Variants in VANGL2 observed in about 807,000 individuals in gnomAD.
VANGL2 encodes the protein vang-like protein 2.
A neutral mutation model predicts 50.2 loss-of-function variants in VANGL2; 14 were observed. The observed-to-expected ratio is 0.28, with a 90% CI of 0.18 to 0.44. The LOEUF is 0.44. Among genes scored for constraint, VANGL2 ranks in the 20% least tolerant of loss-of-function variants. The pLI, the probability that VANGL2 is intolerant of heterozygous loss-of-function variation, is 1.00. For synonymous variants in VANGL2, 295 were observed against 297.2 expected, an observed-to-expected ratio of 0.99 and a Z score of 0.08; for missense variants, 533 against 701.5, an observed-to-expected ratio of 0.76 and a Z score of 2.71.
At chr1:160,406,082 T>C (rs1650650003) in intron 1 of VANGL2, among the ~76,000 whole-genome samples, 1 of 152,232 alleles carries the variant, frequency 6.6e-6, no homozygotes, top group Admixed American at 6.5e-5. Flanking sequence ...TACATTATTT[T>C]GCTGAAAACT....
At chr1:160,416,000 C>T in intron 2 of VANGL2, 62 bp from the exon 3 acceptor site, 2 of 1,614,128 alleles carry the variant, frequency 1.2e-6, no homozygotes, top group South Asian at 2.2e-5. Flanking sequence ...GGTAGAGTGG[C>T]TGCTGAGAAG....
chr1:160,402,873 TC>T (rs913498484), intron 1 of VANGL2, among the ~76,000 whole-genome samples: 20 of 152,062 alleles, frequency 1.3e-4, no homozygotes, highest in African/African-American at 4.6e-4. Flanking sequence ...ATACTAGCCT[TC>T]CCCCATTGCA....
intron 7 of VANGL2, among the ~76,000 whole-genome samples, 160 bp downstream of exon 7, chr1:160,424,443 C>T (rs983616611): frequency 9.2e-5 from 14 of 152,190 alleles, no homozygotes; most frequent in African/African-American, 3.4e-4. Context: ...TCCTATTCCA[C>T]CTGCCCCATC....
In VANGL2 at chr1:160,421,087, G is replaced by A; in HGVS notation, c.973G>A (p.Ala325Thr). 1 of 1,614,172 alleles carries A rather than the reference G, an allele frequency of 6.2e-7. No homozygotes were observed. Among genetic ancestry groups the A allele is most frequent in the Non-Finnish European group, 8.5e-7 (1 of 1,180,026 alleles). ...STNNSTGQSR[A>T]VIAAAARRRD... ...CAACAACTCCACTGGCCAGTCTCGGGCTGTGATTGCAGCGGCAGCTCGGAG... is the reference window on the plus strand; with the variant it reads ...CAACAACTCCACTGGCCAGTCTCGGACTGTGATTGCAGCGGCAGCTCGGAG... The change falls in exon 6 of 8, where the codon GCT becomes ACT. Residue 325 changes from alanine (A) to threonine (T), a missense_variant. Transcript: ENST00000368061.
chr1:160,402,668 C>T (rs576595640), intron 1 of VANGL2, among the ~76,000 whole-genome samples: 129 of 152,042 alleles, frequency 8.5e-4, no homozygotes, highest in Middle Eastern at 3.4e-3. Flanking sequence ...GTCTGTGTGT[C>T]GGGAAAGGGC....
In VANGL2 at chr1:160,426,871, G is replaced by T. The variant is rs1442010878; in HGVS notation, c.*1493G>T. ...AGGCCCTTCTTTTCCCTGAAAGACTGGTTGGTACTTACCTTGCAGAGCACA... is the reference window on the plus strand; with the variant it reads ...AGGCCCTTCTTTTCCCTGAAAGACTTGTTGGTACTTACCTTGCAGAGCACA... On this transcript the variant is annotated 3_prime_UTR_variant, in exon 8 of 8. Coordinates refer to ENST00000368061, the MANE Select transcript of VANGL2 (RefSeq NM_020335.3). 3 of 152,220 alleles carry T rather than the reference G, an allele frequency of 2.0e-5. No individual in the cohort carries two copies. The highest frequency in any genetic ancestry group is 4.4e-5 in the Non-Finnish European group (3 of 68,094). 9.4% of individuals were successfully genotyped at this position (152,220 alleles called of 1,614,324 possible). A position where few individuals can be genotyped will look rare whatever the true frequency, so the allele number is the denominator to read the frequency against.
intron 1 of VANGL2, among the ~76,000 whole-genome samples, chr1:160,405,791 G>C (rs1650639334): frequency 6.6e-6 from 1 of 152,092 alleles, no homozygotes; most frequent in South Asian, 2.1e-4. Context: ...AAGGAGAGGA[G>C]GAAAGGTGGG....
At chr1:160,404,022 T>C (rs12564849) in intron 1 of VANGL2, among the ~76,000 whole-genome samples, 48,286 of 152,094 alleles carry the variant, frequency 0.32, 8,033 homozygotes, top group South Asian at 0.47. Flanking sequence ...AATGAAATAA[T>C]AGAGAAAGCA....
chr1:160,413,196 A>G (rs971528559), intron 1 of VANGL2, among the ~76,000 whole-genome samples: 5 of 152,162 alleles, frequency 3.3e-5, no homozygotes, highest in Admixed American at 6.5e-5. Context: ...GGATATAAAT[A>G]TGTATCAATC....
intron 1 of VANGL2, among the ~76,000 whole-genome samples, chr1:160,408,508 TG>T (rs1426596875): frequency 6.6e-6 from 1 of 152,100 alleles, no homozygotes; most frequent in African/African-American, 2.4e-5. Context: ...TGGGGTCTGC[TG>T]GTGAGAAGCT....
intron 1 of VANGL2, among the ~76,000 whole-genome samples, chr1:160,410,165 A>T (rs1045624442): frequency 3.3e-5 from 5 of 152,070 alleles, no homozygotes; most frequent in African/African-American, 1.2e-4. Flanking sequence ...CCTATCAGAG[A>T]TCTCTGCCCC....
rs1010799621 is a variant in VANGL2 at position 160,428,487 on chromosome 1, G to A, written c.*3109G>A. ...TTTTTTGGGGGGGTGGGGTTACAGAGCTGAGACCTTGTGCATGCATGTAGA... is the reference window on the plus strand; with the variant it reads ...TTTTTTGGGGGGGTGGGGTTACAGAACTGAGACCTTGTGCATGCATGTAGA... On this transcript the variant is annotated 3_prime_UTR_variant, in exon 8 of 8. Coordinates refer to ENST00000368061, the MANE Select transcript of VANGL2 (RefSeq NM_020335.3). 1.3e-5 allele frequency: 2 copies of A among 152,276 alleles called. No individual in the cohort carries two copies. The highest frequency in any genetic ancestry group is 4.8e-5 in the African/African-American group (2 of 41,288). 9.4% of individuals were successfully genotyped at this position (152,276 alleles called of 1,614,324 possible). A position where few individuals can be genotyped will look rare whatever the true frequency, so the allele number is the denominator to read the frequency against.
intron 6 of VANGL2, among the ~76,000 whole-genome samples, chr1:160,423,795 A>G (rs1651352813): frequency 6.6e-6 from 1 of 152,246 alleles, no homozygotes; most frequent in Non-Finnish European, 1.5e-5. Flanking sequence ...TGTCTTTCCT[A>G]TAGCATAGTT....
intron 6 of VANGL2, among the ~76,000 whole-genome samples, chr1:160,423,285 G>A (rs887129655): frequency 3.9e-5 from 6 of 152,006 alleles, no homozygotes; most frequent in Non-Finnish European, 7.4e-5. Flanking sequence ...CATCCAAGTT[G>A]TCTGTACATC....
chr1:160,421,262 TA>T (rs1403509835), intron 6 of VANGL2, 75 bp downstream of exon 6: 31 of 1,578,630 alleles, frequency 2.0e-5, no homozygotes, highest in Non-Finnish European at 2.6e-5. Flanking sequence ...GGAACTTCTG[TA>T]ACTGCTGGAA....
chr1:160,413,698 C>T (rs1293979777), intron 1 of VANGL2, among the ~76,000 whole-genome samples: 2 of 152,144 alleles, frequency 1.3e-5, no homozygotes, highest in Non-Finnish European at 2.9e-5. Flanking sequence ...CTTCTCATCC[C>T]CTTTGCCTGC....
rs1650422371 is a variant in VANGL2 at position 160,400,666 on chromosome 1, C to T, written c.-394C>T. ...CCCTATTCCCCCCTGGCCCCCAGCC[C>T]CCGGGGCCTTGAGGGGGAAGAGGCA... is the stretch of plus-strand genomic sequence containing the variant. On this transcript the variant is annotated 5_prime_UTR_variant, in exon 1 of 8. Transcript: ENST00000368061. 6.6e-6 allele frequency: 1 copy of T among 152,344 alleles called. No homozygotes were observed. The highest frequency in any genetic ancestry group is 2.4e-5 in the African/African-American group (1 of 41,434). 9.4% of individuals were successfully genotyped at this position (152,344 alleles called of 1,614,324 possible).
At chr1:160,405,200 T>C (rs1296161191) in intron 1 of VANGL2, among the ~76,000 whole-genome samples, 1 of 152,212 alleles carries the variant, frequency 6.6e-6, no homozygotes, top group African/African-American at 2.4e-5. Flanking sequence ...TGACCTGAAA[T>C]TTTCCCTTTT....
intron 1 of VANGL2, among the ~76,000 whole-genome samples, chr1:160,413,859 C>G (rs1247578211): frequency 6.6e-6 from 1 of 152,248 alleles, no homozygotes; most frequent in African/African-American, 2.4e-5. Flanking sequence ...AAGTCTGGCT[C>G]GTCTGACACC....
Sources: allele counts gnomAD v4.1 joint callset (sites outside exome capture counted in the v4.1 genomes callset), GRCh38; gene constraint gnomAD v4.1.1; transcripts MANE v1.5; gene names NCBI Gene and HGNC (gene_info 2026-07-23, HGNC 2026-07-21).